The following ZNF503 variants were observed in gnomAD, a reference collection of about 807,000 sequenced individuals.
ZNF503 encodes the protein NocA-like zinc finger 2.
A neutral mutation model predicts 34.4 loss-of-function variants in ZNF503; 15 were observed. The observed-to-expected ratio is 0.44, with a 90% CI of 0.29 to 0.67. The LOEUF is 0.67. Among genes scored for constraint, ZNF503 ranks in the 30% least tolerant of loss-of-function variants. ZNF503 has a pLI of 0.13. For missense variants in ZNF503, 1,007 were observed against 926.8 expected (o/e 1.09, Z -1.12); for synonymous variants, 580 against 456.8 (o/e 1.27, Z -3.44).
chr10:75,327,027 A>G, the ZNF503 span, among the ~76,000 whole-genome samples: 1 of 152,310 alleles, frequency 6.6e-6, no homozygotes, highest in South Asian at 2.1e-4. Context: ...GTGATGATCA[A>G]ATCATGGTAA....
At chr10:75,288,691 G>A in the ZNF503 span, 2 of 152,430 alleles carry the variant, frequency 1.3e-5, no homozygotes, top group Admixed American at 1.3e-4. Context: ...GTAAGGGGGT[G>A]ACTCAGAACC....
chr10:75,300,774 C>T, the ZNF503 span, among the ~76,000 whole-genome samples: 17 of 137,444 alleles, frequency 1.2e-4, no homozygotes, highest in African/African-American at 4.0e-4. Context: ...GGTGCGGTCT[C>T]GGTTCACTGC....
chr10:75,289,607 A>G, the ZNF503 span, among the ~76,000 whole-genome samples: 1 of 152,088 alleles, frequency 6.6e-6, no homozygotes, highest in Non-Finnish European at 1.5e-5. Flanking sequence ...TTATTTTTAG[A>G]TGGAGTCTTG....
chr10:75,385,812 T>A, the ZNF503 span, among the ~76,000 whole-genome samples: 1 of 152,180 alleles, frequency 6.6e-6, no homozygotes, highest in South Asian at 2.1e-4. Context: ...CTGTTCTTCA[T>A]AAACCTTCCT....
the ZNF503 span, among the ~76,000 whole-genome samples, chr10:75,380,233 G>T: frequency 6.6e-6 from 1 of 152,158 alleles, no homozygotes; most frequent in Admixed American, 6.5e-5. Flanking sequence ...TTCATTTCCG[G>T]AATACCTAAG....
At chr10:75,364,189 T>TG in the ZNF503 span, among the ~76,000 whole-genome samples, 1 of 152,142 alleles carries the variant, frequency 6.6e-6, no homozygotes, top group Non-Finnish European at 1.5e-5. Context: ...AGATAGTAAA[T>TG]GGGGCATGAC....
the ZNF503 span, among the ~76,000 whole-genome samples, chr10:75,341,639 A>T: frequency 6.6e-6 from 1 of 152,240 alleles, no homozygotes; most frequent in Non-Finnish European, 1.5e-5. Flanking sequence ...AAGTAATTAA[A>T]ATATTTATAA....
chr10:75,389,289 G>T, the ZNF503 span, among the ~76,000 whole-genome samples: 2 of 152,214 alleles, frequency 1.3e-5, no homozygotes, highest in East Asian at 1.9e-4. Context: ...GCCCCTCCTG[G>T]TTCCTGCATT....
chr10:75,382,996 CTTCTTACTGATATCTGCCT>C, the ZNF503 span, among the ~76,000 whole-genome samples: 2 of 152,288 alleles, frequency 1.3e-5, no homozygotes, highest in African/African-American at 4.8e-5. Flanking sequence ...AGCCTGCATC[CTTCTTACTGATATCTGCCT>C]TTCTTCCCCT....
chr10:75,312,887 T>A, the ZNF503 span, among the ~76,000 whole-genome samples: 1 of 152,132 alleles, frequency 6.6e-6, no homozygotes, highest in South Asian at 2.1e-4. Context: ...CAGGTGGAGA[T>A]AATTAAGTGA....
the ZNF503 span, among the ~76,000 whole-genome samples, chr10:75,364,085 T>C: frequency 6.6e-6 from 1 of 152,262 alleles, no homozygotes; most frequent in East Asian, 1.9e-4. Context: ...GACTTTCCTT[T>C]GATTTCTCCT....
chr10:75,360,302 T>A, the ZNF503 span, among the ~76,000 whole-genome samples: 6 of 151,794 alleles, frequency 4.0e-5, no homozygotes, highest in South Asian at 1.0e-3. Flanking sequence ...TTTTTGTATT[T>A]TTTTTAGTAG....
At chr10:75,292,454 C>T in the ZNF503 span, among the ~76,000 whole-genome samples, 1 of 152,224 alleles carries the variant, frequency 6.6e-6, no homozygotes, top group East Asian at 1.9e-4. Flanking sequence ...TCGTCATTTG[C>T]TCCTGCGATA....
the ZNF503 span, among the ~76,000 whole-genome samples, chr10:75,281,542 G>A: frequency 6.6e-6 from 1 of 152,174 alleles, no homozygotes; most frequent in East Asian, 1.9e-4. Context: ...ACGACTGGGG[G>A]ATGCTCTGTC....
the ZNF503 span, among the ~76,000 whole-genome samples, chr10:75,309,212 C>T: frequency 1.2e-4 from 18 of 152,306 alleles, no homozygotes; most frequent in African/African-American, 3.6e-4. Flanking sequence ...AGTGAAGATG[C>T]TGTGAACATT....
At chr10:75,386,639 G>A in the ZNF503 span, among the ~76,000 whole-genome samples, 1 of 152,098 alleles carries the variant, frequency 6.6e-6, no homozygotes, top group African/African-American at 2.4e-5. Flanking sequence ...TTTATATCCA[G>A]TCTCTCATTG....
chr10:75,303,829 ATCT>A, the ZNF503 span, among the ~76,000 whole-genome samples: 1 of 131,032 alleles, frequency 7.6e-6, no homozygotes, highest in Admixed American at 7.7e-5. Context: ...CAGTGGCTAA[ATCT>A]TTTTTTTTTT....
chr10:75,306,589 G>A, the ZNF503 span, among the ~76,000 whole-genome samples: 3 of 151,824 alleles, frequency 2.0e-5, no homozygotes, highest in South Asian at 2.1e-4. Context: ...TCATTTTATT[G>A]CGCTTTGTTT....
the ZNF503 span, among the ~76,000 whole-genome samples, chr10:75,352,056 G>T: frequency 5.9e-5 from 8 of 136,214 alleles, no homozygotes; most frequent in African/African-American, 1.3e-4. Flanking sequence ...GTGGATTAGT[G>T]CCACTCCAAT....
Sources: gnomAD v4.1 joint callset for allele counts (sites outside exome capture counted in the v4.1 genomes callset) on GRCh38, gnomAD v4.1.1 for gene constraint, MANE v1.5 for transcripts, NCBI Gene and HGNC (gene_info 2026-07-23, HGNC 2026-07-21) for gene names.